The following PHKG2 variants were observed in gnomAD, a reference collection of about 807,000 sequenced individuals.
PHKG2 encodes the protein phosphorylase kinase catalytic subunit gamma 2, also known as phosphorylase b kinase gamma catalytic chain, liver/testis isoform.
Under a neutral mutation model 44.5 loss-of-function variants are expected in PHKG2, and 28 were observed. The observed-to-expected ratio is 0.63, with a 90% confidence interval of 0.47 to 0.86. The LOEUF (loss-of-function observed/expected upper bound fraction) is 0.86. Among genes scored for constraint, PHKG2 ranks in the 40% least tolerant of loss-of-function variants. The pLI, the probability that PHKG2 is intolerant of heterozygous loss-of-function variation, is 0.00. For synonymous variants in PHKG2, 220 were observed against 211.2 expected, an observed-to-expected ratio of 1.04 and a Z score of -0.36; for missense variants, 498 against 547.5, an observed-to-expected ratio of 0.91 and a Z score of 0.90.
chr16:30,759,217 C>T lies in PHKG2; in HGVS notation c.*2120C>T. 6.2e-7 allele frequency: 1 copy of T among 1,614,158 alleles called. No homozygotes were observed. Among genetic ancestry groups the T allele is most frequent in the Non-Finnish European group, 8.5e-7 (1 of 1,180,026 alleles). ...GGCCACAGTTTGGGTGGCTGTAGCC[C>T]CATGTAAGTCAAAGACAGATCCAGC... On this transcript the variant is annotated 3_prime_UTR_variant, in exon 10 of 10. Transcript: ENST00000563588.
chr16:30,753,951 C>T (rs1489721283), intron 6 of PHKG2, among the ~76,000 whole-genome samples: 2 of 152,150 alleles, frequency 1.3e-5, no homozygotes, highest in Non-Finnish European at 2.9e-5. Flanking sequence ...CCACCTGGGC[C>T]CTGGGCCTCA....
At position 30,748,787 on chromosome 16, in the gene PHKG2, C is replaced by T. The variant is rs758687226; in HGVS notation, c.-18-16C>T. 3 of 1,508,834 alleles carry T rather than the reference C, an allele frequency of 2.0e-6. No individual in the cohort carries two copies. The highest frequency in any genetic ancestry group is 2.4e-5 in the South Asian group (2 of 83,152). The allele number at this position is 1,508,834 out of a possible 1,614,324, so 93.5% of individuals were successfully genotyped here. On this transcript the variant is annotated splice_polypyrimidine_tract_variant and intron_variant, in intron 1 of 9. Transcript: ENST00000563588. ...TGTGGGCCTCCCTGCCCTCACTGCC[C>T]TCCTCCTCCGCGCAGGCCCCCGCCT... is the stretch of plus-strand genomic sequence containing the variant.
In PHKG2 at chr16:30,759,629, T is replaced by C. The variant is rs62622830; in HGVS notation, c.*2532T>C. 310,273 of 1,613,836 alleles carry C rather than the reference T, an allele frequency of 0.19. 33,450 individuals carry two copies. The highest frequency in any genetic ancestry group is 0.22 in the Non-Finnish European group (262,194 of 1,179,950). On this transcript the variant is annotated 3_prime_UTR_variant, in exon 10 of 10. Transcript: ENST00000563588. ...ACCTTGTCTGGGGATGGGTAAAGTT[T>C]CCAGAATGTTCCAGGGGAACTGACC...
At chr16:30,751,654 A>G in intron 4 of PHKG2, 51 bp downstream of exon 4, 2 of 1,432,154 alleles carry the variant, frequency 1.4e-6, no homozygotes, top group Non-Finnish European at 2.0e-6. Context: ...ACCTCCATGT[A>G]TGGCCCAGCA....
intron 2 of PHKG2, among the ~76,000 whole-genome samples, chr16:30,749,160 GTGGTGGTGGTGC>G (rs2053306596): frequency 1.9e-5 from 2 of 106,778 alleles, no homozygotes; most frequent in African/African-American, 6.2e-5. Flanking sequence ...GGTGGTGCTG[GTGGTGGTGGTGC>G]TGGTGGTGGT....
chr16:30,748,667 G>T (rs1596676764), intron 1 of PHKG2, 136 bp from the exon 2 acceptor site: 1 of 460,914 alleles, frequency 2.2e-6, no homozygotes, highest in African/African-American at 2.0e-5. Context: ...CCCAGTCCGG[G>T]TCCTTCCCCC....
chr16:30,755,589 T>C lies in PHKG2; in HGVS notation c.557-593T>C, dbSNP rs1377244680. 2.0e-5 allele frequency among the ~76,000 whole-genome samples: 3 copies of C among 152,010 alleles called. No homozygotes were observed. In the East Asian group the frequency reaches 5.8e-4, roughly 29 times the overall value. ...TACTCGGGAGACTGAGGCAGGAGAA[T>C]CGCTTGAACCCAGGAGGCGGAGGTT... On this transcript the variant is annotated intron_variant, in intron 6 of 9. Coordinates refer to ENST00000563588, the MANE Select transcript of PHKG2 (RefSeq NM_000294.3).
chr16:30,754,872 C>T (rs1290632223), intron 6 of PHKG2: 2 of 455,948 alleles, frequency 4.4e-6, no homozygotes, highest in Admixed American at 2.3e-5. Flanking sequence ...CACTTGCCTT[C>T]AGGTAGACAG....
chr16:30,756,245 A>G lies in PHKG2; in HGVS notation c.620A>G (p.His207Arg). The G allele has an allele frequency of 6.2e-7, 1 of 1,614,062 alleles. No homozygotes were observed. Among genetic ancestry groups the G allele is most frequent in the Non-Finnish European group, 8.5e-7 (1 of 1,179,988 alleles). The change falls in exon 7 of 10, where the codon CAC becomes CGC. Residue 207 changes from histidine to arginine, a missense_variant. Transcript: ENST00000563588. ...CTTAAATGCTCCATGGATGAAACCC[A>G]CCCAGGCTATGGCAAGGAGGTCGAC... ...EILKCSMDET[H>R]PGYGKEVDLW...
rs1214607542 is a variant in PHKG2, at chr16:30,756,885, T to C, written c.1009T>C (p.Leu337=). 1 of 1,614,154 alleles carries C rather than the reference T, an allele frequency of 6.2e-7. No homozygotes were observed. The highest frequency in any genetic ancestry group is 1.7e-5 in the Admixed American group (1 of 60,026). The change falls in exon 10 of 10, where the codon TTG becomes CTG. Residue 337 remains leucine, a synonymous_variant. Coordinates refer to ENST00000563588, the MANE Select transcript of PHKG2 (RefSeq NM_000294.3). ...ACGGCCACTGACCAAGAATGCACTG[T>C]TGAGGGACCCTTATGCGCTGCGGTC... The part of the protein sequence containing the change: ...RVRPLTKNAL[L]RDPYALRSVR...
intron 2 of PHKG2, among the ~76,000 whole-genome samples, chr16:30,750,815 G>A (rs1361841125): frequency 3.9e-5 from 6 of 152,220 alleles, no homozygotes; most frequent in Admixed American, 3.9e-4. Context: ...AACAGGTGCT[G>A]AGGCTCAGTG....
rs1367605312 is a variant in PHKG2 at position 30,753,545 on chromosome 16, G to A, written c.544G>A (p.Glu182Lys). ...GTTCTCCTGCCACTTGGAACCTGGC[G>A]AGAAGCTTCGAGGTGAGGGGATCTA... Reference protein sequence around the residue: ...FGFSCHLEPGEKLRELCGTPG... With the variant: ...FGFSCHLEPGKKLRELCGTPG... The change falls in exon 6 of 10, where the codon GAG becomes AAG. Residue 182 changes from glutamate (E) to lysine (K), a missense_variant. Glu to Lys is a moderately conservative substitution (Grantham distance 56). Coordinates refer to ENST00000563588, the MANE Select transcript of PHKG2 (RefSeq NM_000294.3). 2 of 1,614,094 alleles carry A rather than the reference G, an allele frequency of 1.2e-6. No homozygotes were observed. Among genetic ancestry groups the A allele is most frequent in the South Asian group, 1.1e-5 (1 of 91,076 alleles).
At position 30,761,174 on chromosome 16, in the gene PHKG2, T is replaced by G; in HGVS notation, c.*4077T>G. On this transcript the variant is annotated 3_prime_UTR_variant, in exon 10 of 10. Coordinates refer to ENST00000563588, the MANE Select transcript of PHKG2 (RefSeq NM_000294.3). ...CAATAAAGAACGCAAATATTCAGTG[T>G]AATTTTTGTCTCTTCACACTCACCA... The G allele has an allele frequency of 6.2e-7, 1 of 1,612,892 alleles. No individual in the cohort carries two copies. The highest frequency in any genetic ancestry group is 8.5e-7 in the Non-Finnish European group (1 of 1,179,254).
In PHKG2 at chr16:30,759,518, CA is replaced by C. The variant is rs1567269144; in HGVS notation, c.*2425del. Reference sequence around the variant, plus strand: ...CCTTCCGGAGCCCTGGCTTTGCCTCCAAAAGCCCAGCAACAGGAGCAAGGAG... The same window carrying C: ...CCTTCCGGAGCCCTGGCTTTGCCTCCAAAGCCCAGCAACAGGAGCAAGGAG... On this transcript the variant is annotated 3_prime_UTR_variant, in exon 10 of 10. Transcript: ENST00000563588. 4 of 1,614,128 alleles carry C rather than the reference CA, an allele frequency of 2.5e-6. No individual in the cohort carries two copies. Among genetic ancestry groups the C allele is most frequent in the Non-Finnish European group, 3.4e-6 (4 of 1,180,028 alleles).
In PHKG2 at chr16:30,757,571, G is replaced by A; in HGVS notation, c.*474G>A. 1.9e-6 allele frequency: 3 copies of A among 1,614,196 alleles called. No homozygotes were observed. Among genetic ancestry groups the A allele is most frequent in the Non-Finnish European group, 2.5e-6 (3 of 1,180,036 alleles). ...CTGAGCCTTTCCTCGCTGGCCTTGA[G>A]CCGCTCCTCCACCAGCCCCTGGAGC... On this transcript the variant is annotated 3_prime_UTR_variant, in exon 10 of 10. Transcript: ENST00000563588.
At chr16:30,752,968 C>G in intron 4 of PHKG2, 1 of 536,646 alleles carries the variant, frequency 1.9e-6, no homozygotes, top group African/African-American at 1.9e-5. Context: ...TTACTCTCAA[C>G]AAGAACCTCC....
chr16:30,753,001 A>C (rs1435331065), intron 4 of PHKG2: 25 of 595,076 alleles, frequency 4.2e-5, no homozygotes, highest in Non-Finnish European at 7.6e-5. Flanking sequence ...TGTCACAAGA[A>C]GTCTCTTATT....
At position 30,757,965 on chromosome 16, in the gene PHKG2, A is replaced by G; in HGVS notation, c.*868A>G. On this transcript the variant is annotated 3_prime_UTR_variant, in exon 10 of 10. Transcript: ENST00000563588. ...TGGATAGTGATACCTAGCACATAGG[A>G]TTGAGGGAGGATTAAATGAGTTAAT... 2.4e-6 allele frequency: 1 copy of G among 414,018 alleles called. No individual in the cohort carries two copies. The highest frequency in any genetic ancestry group is 3.9e-6 in the Non-Finnish European group (1 of 259,628). The allele number at this position is 414,018 out of a possible 1,614,324, so 25.6% of individuals were successfully genotyped here.
chr16:30,757,588 C>T lies in PHKG2; in HGVS notation c.*491C>T. 1 of 1,614,174 alleles carries T rather than the reference C, an allele frequency of 6.2e-7. No homozygotes were observed. Among genetic ancestry groups the T allele is most frequent in the Non-Finnish European group, 8.5e-7 (1 of 1,180,028 alleles). On this transcript the variant is annotated 3_prime_UTR_variant, in exon 10 of 10. Coordinates refer to ENST00000563588, the MANE Select transcript of PHKG2 (RefSeq NM_000294.3). ...GGCCTTGAGCCGCTCCTCCACCAGC[C>T]CCTGGAGCTGCTCCAGCTCTTTGTT...
Sources: gnomAD v4.1 joint callset for allele counts (sites outside exome capture counted in the v4.1 genomes callset) on GRCh38, gnomAD v4.1.1 for gene constraint, MANE v1.5 for transcripts, NCBI Gene and HGNC (gene_info 2026-07-23, HGNC 2026-07-21) for gene names.